Variants in FAP observed in about 807,000 individuals in gnomAD.
FAP encodes the protein fibroblast activation protein alpha.
In FAP, 110 loss-of-function variants were observed where a neutral mutation model predicts 126.5. The observed-to-expected ratio is 0.87, with a 90% CI of 0.74 to 1.02. The LOEUF (loss-of-function observed/expected upper bound fraction) is 1.02. Ranked by LOEUF, FAP falls within the 50% of genes least tolerant of loss-of-function variation. FAP has a pLI of 0.00. For synonymous variants in FAP, 334 were observed against 297.3 expected, an observed-to-expected ratio of 1.12 and a Z score of -1.27; for missense variants, 919 against 909.2, an observed-to-expected ratio of 1.01 and a Z score of -0.14.
Position 162,188,173 on chromosome 2 carries a change from C to T in FAP, c.1810G>A (p.Val604Ile). The T allele has an allele frequency of 6.2e-7, 1 of 1,612,020 alleles. No homozygotes were observed. The highest frequency in any genetic ancestry group is 8.5e-7 in the Non-Finnish European group (1 of 1,178,580). ...CTTGAATGAGAAGGTGCTCACCTGA[C>T]AGCTGTAATCTGGTCTTCAACTTCA... Reference protein sequence around the residue: ...VYEVEDQITAVRKFIEMGFID... With the variant: ...VYEVEDQITAIRKFIEMGFID... Residue 604 changes from valine (V) to isoleucine (I), a missense_variant, in exon 20 of 26, where the codon GTC becomes ATC. Physicochemically the swap from Val to Ile is conservative, Grantham distance 29. Coordinates refer to ENST00000188790, the MANE Select transcript of FAP (RefSeq NM_004460.5).
intron 1 of FAP, 130 bp from the exon 2 acceptor site, chr2:162,243,122 G>A: frequency 2.4e-6 from 2 of 834,286 alleles, no homozygotes; most frequent in Non-Finnish European, 3.9e-6. Context: ...CACTGATCCG[G>A]CTATAATTGC....
In FAP at chr2:162,170,942, T is replaced by C; in HGVS notation, c.*37A>G. ...ACTGTCTGAGGGGTTTATATAAGGT[T>C]TTCAGATTCTGATACAGGCTTGCAT... On this transcript the variant is annotated 3_prime_UTR_variant, in exon 26 of 26. Transcript: ENST00000188790. 1.3e-6 allele frequency: 2 copies of C among 1,521,296 alleles called. No homozygotes were observed. The highest frequency in any genetic ancestry group is 9.1e-7 in the Non-Finnish European group (1 of 1,097,066). 94.2% of individuals were successfully genotyped at this position (1,521,296 alleles called of 1,614,324 possible).
At chr2:162,233,967 C>T (rs1341794286) in intron 2 of FAP, among the ~76,000 whole-genome samples, 1 of 152,122 alleles carries the variant, frequency 6.6e-6, no homozygotes. Context: ...GTTGAAAAGA[C>T]TTTTCCCGTT....
chr2:162,177,067 T>C (rs542143460), intron 21 of FAP, among the ~76,000 whole-genome samples: 120 of 152,124 alleles, frequency 7.9e-4, no homozygotes, highest in African/African-American at 2.6e-3. Flanking sequence ...AAAACCCGAG[T>C]TGACTTTTTC....
chr2:162,197,838 T>G, intron 16 of FAP: 1 of 340,304 alleles, frequency 2.9e-6, no homozygotes, highest in Non-Finnish European at 5.7e-6. Flanking sequence ...GTAGCATACA[T>G]TTTGTAATAC....
intron 17 of FAP, among the ~76,000 whole-genome samples, chr2:162,192,495 T>G (rs1438102995): frequency 6.6e-6 from 1 of 152,114 alleles, no homozygotes; most frequent in African/African-American, 2.4e-5. Context: ...GTGTTGATGT[T>G]CCACACAGTT....
At chr2:162,186,126 C>G (rs897669774) in intron 20 of FAP, among the ~76,000 whole-genome samples, 1 of 152,044 alleles carries the variant, frequency 6.6e-6, no homozygotes, top group African/African-American at 2.4e-5. Flanking sequence ...TTTACTTTTA[C>G]CAGATTGCAA....
At chr2:162,197,732 C>T (rs1688309634) in intron 16 of FAP, 13 of 440,334 alleles carry the variant, frequency 3.0e-5, no homozygotes, top group South Asian at 2.1e-4. Context: ...ATCTTCAGGG[C>T]CTCTGCAACT....
chr2:162,179,808 A>C (rs1430969881), intron 21 of FAP, among the ~76,000 whole-genome samples: 2 of 133,960 alleles, frequency 1.5e-5, no homozygotes, highest in African/African-American at 5.6e-5. Context: ...ATATATATAT[A>C]TATATTTTTT....
rs1463408422 is a variant in FAP at position 162,198,308 on chromosome 2, A to G, written c.1402+449T>C. ...GCCGTTGTTCATTCCCCTGGATGTGAGAGTTTGATATTTCTCTGGGCAAAG... is the reference window on the plus strand; with the variant it reads ...GCCGTTGTTCATTCCCCTGGATGTGGGAGTTTGATATTTCTCTGGGCAAAG... On this transcript the variant is annotated intron_variant, in intron 16 of 25. Coordinates refer to ENST00000188790, the MANE Select transcript of FAP (RefSeq NM_004460.5). 3.9e-6 allele frequency: 5 copies of G among 1,288,802 alleles called. No homozygotes were observed. The East Asian group carries it at 2.8e-4, about 71-fold the overall frequency. The allele number at this position is 1,288,802 out of a possible 1,614,324, so 79.8% of individuals were successfully genotyped here.
intron 21 of FAP, among the ~76,000 whole-genome samples, chr2:162,177,261 G>A (rs1559760311): frequency 1.3e-5 from 2 of 152,108 alleles, no homozygotes; most frequent in South Asian, 4.1e-4. Context: ...GATTTTGAAG[G>A]AGGGTTTACG....
At chr2:162,231,352 GT>G (rs775744250) in intron 2 of FAP, among the ~76,000 whole-genome samples, 21 of 152,046 alleles carry the variant, frequency 1.4e-4, no homozygotes, top group Non-Finnish European at 2.4e-4. Flanking sequence ...TCCAAATAAT[GT>G]TTTAATATTA....
In FAP at chr2:162,194,715, C is replaced by T; in HGVS notation, c.1436G>A (p.Gly479Glu). The T allele has an allele frequency of 6.2e-7, 1 of 1,613,592 alleles. No homozygotes were observed. Among genetic ancestry groups the T allele is most frequent in the Non-Finnish European group, 8.5e-7 (1 of 1,179,692 alleles). Residue 479 changes from glycine to glutamate, a missense_variant, in exon 17 of 26, where the codon GGA becomes GAA. By Grantham distance (98) the Gly-to-Glu change is moderately conservative (BLOSUM62 -2). Transcript: ENST00000188790. ...PGIPISTLHD[G>E]RTDQEIKILE... ...AGAGAGAGTACCTTGATCAGTGCGTCCATCATGAAGGGTGGAAATGGGGAT... is the reference window on the plus strand; with the variant it reads ...AGAGAGAGTACCTTGATCAGTGCGTTCATCATGAAGGGTGGAAATGGGGAT...
chr2:162,194,700 C>T lies in FAP; in HGVS notation c.1450+1G>A, dbSNP rs140144864. On this transcript the variant is annotated splice_donor_variant, in intron 17 of 25. Coordinates refer to ENST00000188790, the MANE Select transcript of FAP (RefSeq NM_004460.5). LOFTEE classifies it high-confidence loss of function. ...GATAGATAACATGCAAGAGAGAGTA[C>T]CTTGATCAGTGCGTCCATCATGAAG... 4 of 1,613,222 alleles carry T rather than the reference C, an allele frequency of 2.5e-6. No individual in the cohort carries two copies. Among genetic ancestry groups the T allele is most frequent in the East Asian group, 2.2e-5 (1 of 44,858 alleles).
chr2:162,180,821 C>T (rs939699535), intron 21 of FAP, among the ~76,000 whole-genome samples: 1 of 152,126 alleles, frequency 6.6e-6, no homozygotes, highest in Non-Finnish European at 1.5e-5. Flanking sequence ...GAGAGATGAT[C>T]AGCAGGCATT....
At position 162,219,050 on chromosome 2, in the gene FAP, G is replaced by T; in HGVS notation, c.607+13C>A. The stretch of plus-strand genomic sequence containing the variant: ...GCCTAAAGCATTAGCAGTAGAAAAG[G>T]AATACAGCTTACCTTCATAAACCCA... On this transcript the variant is annotated intron_variant, in intron 8 of 25. Transcript: ENST00000188790. 1.3e-6 allele frequency: 2 copies of T among 1,587,404 alleles called. No individual in the cohort carries two copies. The highest frequency in any genetic ancestry group is 1.1e-5 in the South Asian group (1 of 88,448).
In FAP at chr2:162,213,942, G is replaced by A. The variant is rs1041661250; in HGVS notation, c.998C>T (p.Pro333Leu). 1 of 1,612,696 alleles carries A rather than the reference G, an allele frequency of 6.2e-7. No individual in the cohort carries two copies. Among genetic ancestry groups the A allele is most frequent in the African/African-American group, 1.3e-5 (1 of 74,942 alleles). The change falls in exon 11 of 26, where the codon CCA (proline) becomes CTA (leucine). Residue 333 changes from proline to leucine, a missense_variant. Transcript: ENST00000188790. Reference protein sequence around the residue: ...FREDWQTWDCPKTQEHIEESR... With the variant: ...FREDWQTWDCLKTQEHIEESR... The stretch of plus-strand genomic sequence containing the variant: ...TGTGATCTTAATATACCCTACCTTT[G>A]GACAATCCCATGTCTGCCAGTCTTC...
chr2:162,185,327 T>C (rs1316412896), intron 20 of FAP, among the ~76,000 whole-genome samples: 2 of 152,272 alleles, frequency 1.3e-5, no homozygotes, highest in Admixed American at 1.3e-4. Flanking sequence ...TATAAAAGCA[T>C]GATAGAAAAT....
chr2:162,196,215 G>T (rs1370582553), intron 16 of FAP, among the ~76,000 whole-genome samples: 1 of 152,136 alleles, frequency 6.6e-6, no homozygotes, highest in South Asian at 2.1e-4. Context: ...ATAATATTTT[G>T]GTTTCCTGCC....
Sources: allele counts gnomAD v4.1 joint callset (sites outside exome capture counted in the v4.1 genomes callset), GRCh38; gene constraint gnomAD v4.1.1; transcripts MANE v1.5; gene names NCBI Gene and HGNC (gene_info 2026-07-23, HGNC 2026-07-21).